MESD: variants seen among roughly 807,000 people sequenced by gnomAD.
The protein encoded by MESD is LRP chaperone MESD.
MESD carries 7 observed loss-of-function variants against 12.9 expected under a neutral mutation model. The ratio of observed to expected loss-of-function variants is 0.54; its 90% confidence interval spans 0.31 to 1.02. The LOEUF (loss-of-function observed/expected upper bound fraction) is 1.02. Ranked by LOEUF, MESD falls within the 50% of genes least tolerant of loss-of-function variation. The pLI, the probability that MESD is intolerant of heterozygous loss-of-function variation, is 0.05. For synonymous variants in MESD, 126 were observed against 115.6 expected (o/e 1.09, Z -0.58); for missense variants, 342 against 296.7 (o/e 1.15, Z -1.12).
At chr15:80,983,629 G>A (rs75367314) in intron 1 of MESD, among the ~76,000 whole-genome samples, 9,514 of 152,232 alleles carry the variant, frequency 0.062, 367 homozygotes, top group Middle Eastern at 0.18. Flanking sequence ...AAGAGCGTGG[G>A]TTCCTTGGAG....
In MESD at chr15:80,984,712, G is replaced by A. The variant is rs1179955312; in HGVS notation, c.214-2530C>T. Among the ~76,000 whole-genome samples, 5 of 152,082 alleles carry A rather than the reference G, an allele frequency of 3.3e-5. No individual in the cohort carries two copies. The South Asian group carries it at 6.2e-4, about 19-fold the overall frequency. Reference sequence around the variant, plus strand: ...TCTCTGAAGATACTAAAACTAAAATGTACACTTTACATGGGTAAATTGCCT... The same window carrying A: ...TCTCTGAAGATACTAAAACTAAAATATACACTTTACATGGGTAAATTGCCT... On this transcript the variant is annotated intron_variant, in intron 1 of 2. Coordinates refer to ENST00000261758, the MANE Select transcript of MESD (RefSeq NM_015154.3).
chr15:80,982,274 T>C lies in MESD; in HGVS notation c.214-92A>G, dbSNP rs891229635. 12 of 919,342 alleles carry C rather than the reference T, an allele frequency of 1.3e-5. No individual in the cohort carries two copies. The East Asian group carries it at 1.7e-4, about 13-fold the overall frequency. 56.9% of individuals were successfully genotyped at this position (919,342 alleles called of 1,614,324 possible). On this transcript the variant is annotated intron_variant, in intron 1 of 2. Coordinates refer to ENST00000261758, the MANE Select transcript of MESD (RefSeq NM_015154.3). ...AAACTTCTGCATGATGTCAGGTGCA[T>C]GTATATGACTTAAATTACAACATAA...
chr15:80,960,220 T>C (rs1488274662), intron 3 of MESD, among the ~76,000 whole-genome samples: 1 of 151,850 alleles, frequency 6.6e-6, no homozygotes, highest in South Asian at 2.1e-4. Flanking sequence ...CAAAAATTAG[T>C]TGGGTGTGGT....
At chr15:80,953,301 G>A (rs1279379113) in intron 3 of MESD, among the ~76,000 whole-genome samples, 2 of 152,196 alleles carry the variant, frequency 1.3e-5, no homozygotes, top group East Asian at 1.9e-4. Flanking sequence ...GATTCAGTAG[G>A]TGCATAGAAG....
chr15:80,954,953 GT>G (rs1901937705), intron 3 of MESD, among the ~76,000 whole-genome samples: 1 of 152,112 alleles, frequency 6.6e-6, no homozygotes, highest in Non-Finnish European at 1.5e-5. Context: ...TTGGATGCCT[GT>G]GCTCTAAAGC....
At chr15:80,969,812 G>A (rs1029592525) in intron 3 of MESD, among the ~76,000 whole-genome samples, 1 of 152,098 alleles carries the variant, frequency 6.6e-6, no homozygotes, top group Non-Finnish European at 1.5e-5. Flanking sequence ...CCGAGATGGC[G>A]CCACTGCACT....
At chr15:80,973,772 T>A (rs953550992), downstream of MESD, among the ~76,000 whole-genome samples, 3 of 152,088 alleles carry the variant, frequency 2.0e-5, no homozygotes, top group Non-Finnish European at 4.4e-5. Context: ...GTTTTTTTTT[T>A]AAAGAAAACA....
chr15:80,987,984 T>C (rs532859634), intron 1 of MESD, among the ~76,000 whole-genome samples: 3 of 152,264 alleles, frequency 2.0e-5, no homozygotes, highest in African/African-American at 7.2e-5. Context: ...AAAAACAAAA[T>C]CAACCATCAA....
intron 1 of MESD, among the ~76,000 whole-genome samples, chr15:80,984,296 G>C (rs1902668615): frequency 1.3e-5 from 2 of 152,128 alleles, no homozygotes; most frequent in African/African-American, 4.8e-5. Context: ...AGTACTGGCT[G>C]GGTATGGTGG....
At chr15:80,981,699 T>C (rs1902583552) in intron 2 of MESD, among the ~76,000 whole-genome samples, 1 of 149,626 alleles carries the variant, frequency 6.7e-6, no homozygotes, top group African/African-American at 2.5e-5. Flanking sequence ...CTACTAAAAA[T>C]ACAAAATTAG....
At chr15:80,980,003 T>C (rs761686743) in intron 2 of MESD, among the ~76,000 whole-genome samples, 29 of 152,238 alleles carry the variant, frequency 1.9e-4, no homozygotes, top group South Asian at 2.1e-4. Flanking sequence ...AGCAGCAAGC[T>C]GCCCAGCTCG....
chr15:80,982,637 C>A (rs1039939926), intron 1 of MESD, among the ~76,000 whole-genome samples: 8 of 152,180 alleles, frequency 5.3e-5, no homozygotes, highest in Non-Finnish European at 1.0e-4. Context: ...CAAAACTAAT[C>A]TAGGGTAACA....
chr15:80,948,604 G>A (rs1302545267), exon 5 of MESD: 1 of 729,028 alleles, frequency 1.4e-6, no homozygotes, highest in Non-Finnish European at 2.4e-6. Flanking sequence ...GTGAGACCCT[G>A]CCTGCCCCAT....
intron 3 of MESD, among the ~76,000 whole-genome samples, chr15:80,960,446 C>G (rs1902065858): frequency 6.7e-6 from 1 of 150,198 alleles, no homozygotes; most frequent in South Asian, 2.1e-4. Context: ...ATTCAACCAA[C>G]CAATTACACA....
chr15:80,948,404 C>T (rs766643742), exon 5 of MESD: 1 of 329,062 alleles, frequency 3.0e-6, no homozygotes, highest in South Asian at 2.7e-5. Context: ...AGATCAATGC[C>T]ATCATTTGAT....
chr15:80,948,349 T>C, exon 5 of MESD: 1 of 279,012 alleles, frequency 3.6e-6, no homozygotes, highest in Non-Finnish European at 7.1e-6. Context: ...CTCTCAGAAC[T>C]CTTTCTAGAG....
At chr15:80,987,637 C>T (rs1008001544) in intron 1 of MESD, among the ~76,000 whole-genome samples, 6 of 152,106 alleles carry the variant, frequency 3.9e-5, no homozygotes, top group East Asian at 1.9e-4. Flanking sequence ...TACAGGTGCC[C>T]GCCACCATGC....
At chr15:80,960,365 TAAA>T (rs11295365) in intron 3 of MESD, among the ~76,000 whole-genome samples, 16 of 112,310 alleles carry the variant, frequency 1.4e-4, no homozygotes, top group Admixed American at 9.7e-5. Flanking sequence ...ATCCTGTGTT[TAAA>T]AAAAAAAAAA....
chr15:80,955,714 AG>A (rs1901967744), intron 3 of MESD, among the ~76,000 whole-genome samples: 1 of 150,886 alleles, frequency 6.6e-6, no homozygotes, highest in East Asian at 2.1e-4. Context: ...TCCGCCCCCC[AG>A]GTTCAAGCGA....
Sources: allele counts gnomAD v4.1 joint callset (sites outside exome capture counted in the v4.1 genomes callset), GRCh38; gene constraint gnomAD v4.1.1; transcripts MANE v1.5; gene names NCBI Gene and HGNC (gene_info 2026-07-23, HGNC 2026-07-21).